Variants in P3H2 observed in about 807,000 individuals in gnomAD.
The protein encoded by P3H2 is leprecan-like 1.
Under a neutral mutation model 87.0 loss-of-function variants are expected in P3H2, and 80 were observed. That is an observed-to-expected ratio of 0.92 (90% CI 0.77 to 1.11). The LOEUF is 1.11. Among genes scored for constraint, P3H2 ranks in the 50% least tolerant of loss-of-function variants. P3H2 has a pLI of 0.00. For synonymous variants in P3H2, 367 were observed against 359.3 expected, an observed-to-expected ratio of 1.02 and a Z score of -0.24; for missense variants, 1,001 against 923.9, an observed-to-expected ratio of 1.08 and a Z score of -1.08.
intron 1 of P3H2, among the ~76,000 whole-genome samples, chr3:190,084,400 A>G (rs571856726): frequency 6.6e-6 from 1 of 152,310 alleles, no homozygotes; most frequent in African/African-American, 2.4e-5. Flanking sequence ...ATTATTTTGT[A>G]TCTTATTTTC....
chr3:190,086,901 T>C (rs1727229598), intron 1 of P3H2, among the ~76,000 whole-genome samples: 1 of 152,178 alleles, frequency 6.6e-6, no homozygotes, highest in African/African-American at 2.4e-5. Flanking sequence ...AGGGGACAGA[T>C]TGGCAATTTA....
intron 8 of P3H2, among the ~76,000 whole-genome samples, chr3:189,982,274 T>C (rs1723561096): frequency 6.6e-6 from 1 of 152,076 alleles, no homozygotes; most frequent in Non-Finnish European, 1.5e-5. Context: ...GCTGTTAGTA[T>C]TAAAATAGTA....
chr3:190,022,996 T>C (rs1724976690), intron 1 of P3H2, among the ~76,000 whole-genome samples: 1 of 151,736 alleles, frequency 6.6e-6, no homozygotes, highest in Admixed American at 6.6e-5. Context: ...CTGGCTAATT[T>C]TTTGTATTTT....
intron 13 of P3H2, 86 bp downstream of exon 13, chr3:189,970,730 A>G (rs546401710): frequency 1.2e-6 from 1 of 807,238 alleles, no homozygotes; most frequent in Non-Finnish European, 2.2e-6. Context: ...GAAGTATTTG[A>G]AATCTAACCA....
chr3:190,027,604 A>C (rs1453692678), intron 1 of P3H2, among the ~76,000 whole-genome samples: 1 of 151,634 alleles, frequency 6.6e-6, no homozygotes, highest in African/African-American at 2.4e-5. Flanking sequence ...GGTTGGTGCA[A>C]AAGTAATTGC....
At chr3:190,013,917 T>G (rs1724672167) in intron 1 of P3H2, among the ~76,000 whole-genome samples, 1 of 152,154 alleles carries the variant, frequency 6.6e-6, no homozygotes, top group Admixed American at 6.5e-5. Context: ...AATGTTAGCT[T>G]TGATCTTATT....
intron 1 of P3H2, chr3:190,116,796 C>T (rs1315225691): frequency 1.3e-5 from 2 of 152,152 alleles, no homozygotes; most frequent in Non-Finnish European, 2.9e-5. Context: ...TGATAAAAAT[C>T]AAAAGTTTGA....
chr3:189,991,304 G>A (rs866136880), intron 3 of P3H2, among the ~76,000 whole-genome samples: 1 of 152,264 alleles, frequency 6.6e-6, no homozygotes, highest in South Asian at 2.1e-4. Context: ...GTCACAAATT[G>A]GTCATTCGTC....
At chr3:190,019,785 A>AAAAAT (rs1219688564) in intron 1 of P3H2, among the ~76,000 whole-genome samples, 1 of 37,390 alleles carries the variant, frequency 2.7e-5, no homozygotes, top group African/African-American at 6.6e-5. Flanking sequence ...GAAATTAAAA[A>AAAAAT]ATATATATAT....
intron 1 of P3H2, 107 bp from the exon 2 acceptor site, chr3:189,995,549 A>G: frequency 1.0e-6 from 1 of 976,040 alleles, no homozygotes. Context: ...TGAAACTAGG[A>G]GCCTTGGTTT....
chr3:190,056,090 A>G (rs1189831671), intron 1 of P3H2, among the ~76,000 whole-genome samples: 1 of 152,212 alleles, frequency 6.6e-6, no homozygotes, highest in African/African-American at 2.4e-5. Context: ...AAGAGACACC[A>G]GAAAGCTCTC....
At chr3:190,036,444 T>C (rs3108311) in intron 1 of P3H2, among the ~76,000 whole-genome samples, 122,139 of 151,818 alleles carry the variant, frequency 0.8, 49,185 homozygotes, top group East Asian at 0.86. Context: ...TATGCCTTAA[T>C]AATTAATAAC....
At chr3:189,997,547 A>G (rs1032799094) in intron 1 of P3H2, among the ~76,000 whole-genome samples, 2 of 152,222 alleles carry the variant, frequency 1.3e-5, no homozygotes, top group African/African-American at 2.4e-5. Context: ...CAGTCCCTGC[A>G]GTCTTGTGAA....
At chr3:190,100,953 T>C (rs1226774345) in intron 1 of P3H2, among the ~76,000 whole-genome samples, 1 of 152,130 alleles carries the variant, frequency 6.6e-6, no homozygotes, top group Non-Finnish European at 1.5e-5. Context: ...ACGTTACATT[T>C]TGGTAATTCT....
Position 189,995,336 on chromosome 3 carries a change from C to A in P3H2, c.587G>T (p.Gly196Val). The A allele has an allele frequency of 1.2e-6, 2 of 1,614,104 alleles. No individual in the cohort carries two copies. Among genetic ancestry groups the A allele is most frequent in the Non-Finnish European group, 1.7e-6 (2 of 1,180,016 alleles). Reference protein sequence around the residue: ...QNIENYRATAGVEALQLVDRE... With the variant: ...QNIENYRATAVVEALQLVDRE... ...GTCTACCAACTGCAATGCTTCAACA[C>A]CAGCTGTCGCCCTGTAATTCTCAAT... Residue 196 changes from glycine to valine, a missense_variant, in exon 2 of 15, where the codon GGT (glycine) becomes GTT (valine). Gly to Val is a moderately radical substitution (Grantham distance 109). Coordinates refer to ENST00000319332, the MANE Select transcript of P3H2 (RefSeq NM_018192.4).
intron 1 of P3H2, among the ~76,000 whole-genome samples, chr3:189,997,169 A>G (rs761143161): frequency 6.6e-6 from 1 of 152,120 alleles, no homozygotes; most frequent in Non-Finnish European, 1.5e-5. Flanking sequence ...CTATGGGCAC[A>G]CACCACCATG....
chr3:190,070,906 A>T (rs1726677470), intron 1 of P3H2, among the ~76,000 whole-genome samples: 1 of 152,236 alleles, frequency 6.6e-6, no homozygotes, highest in Admixed American at 6.5e-5. Flanking sequence ...CATCATAATC[A>T]TATTACATGT....
intron 11 of P3H2, 149 bp downstream of exon 11, chr3:189,972,723 AGC>A: frequency 1.3e-6 from 1 of 772,948 alleles, no homozygotes; most frequent in Non-Finnish European, 2.2e-6. Context: ...AAAAGAAAGA[AGC>A]AGAATAAGAG....
At chr3:190,072,077 G>C (rs189144809) in intron 1 of P3H2, among the ~76,000 whole-genome samples, 290 of 149,640 alleles carry the variant, frequency 1.9e-3, no homozygotes, top group Non-Finnish European at 2.9e-3. Context: ...CACCTCCCAG[G>C]TTCTCCTTTC....
Sources: gnomAD v4.1 joint callset for allele counts (sites outside exome capture counted in the v4.1 genomes callset) on GRCh38, gnomAD v4.1.1 for gene constraint, MANE v1.5 for transcripts, NCBI Gene and HGNC (gene_info 2026-07-23, HGNC 2026-07-21) for gene names.